FRK: variants seen among roughly 807,000 people sequenced by gnomAD.
The protein encoded by FRK is tyrosine-protein kinase FRK.
A neutral mutation model predicts 56.4 loss-of-function variants in FRK; 51 were observed. The ratio of observed to expected loss-of-function variants is 0.90; its 90% CI spans 0.72 to 1.14. The LOEUF (loss-of-function observed/expected upper bound fraction) is 1.14, where lower values mean the gene tolerates loss of function less well. Among genes scored for constraint, FRK ranks in the 50% most tolerant of loss-of-function variants. The probability of loss-of-function intolerance (pLI) is 0.00; values close to 1 mark genes in which losing one functional copy is unlikely to be tolerated. For synonymous variants in FRK, 245 were observed against 217.9 expected, an observed-to-expected ratio of 1.12 and a Z score of -1.10; for missense variants, 570 against 601.4, an observed-to-expected ratio of 0.95 and a Z score of 0.55.
chr6:115,953,951 A>T (rs529211327), intron 5 of FRK, among the ~76,000 whole-genome samples: 3 of 152,252 alleles, frequency 2.0e-5, no homozygotes, highest in Non-Finnish European at 4.4e-5. Context: ...AATAAGATAC[A>T]CAGTATAAGA....
intron 2 of FRK, among the ~76,000 whole-genome samples, chr6:115,992,804 G>A (rs1284827150): frequency 6.6e-6 from 1 of 151,736 alleles, no homozygotes; most frequent in East Asian, 1.9e-4. Flanking sequence ...AGGCTATGAA[G>A]GGCTTAAATG....
intron 4 of FRK, 42 bp downstream of exon 4, chr6:115,967,509 T>A: frequency 6.3e-7 from 1 of 1,590,556 alleles, no homozygotes. Flanking sequence ...ATTGAGCTCA[T>A]AAAAATCAAC....
chr6:115,994,187 T>A (rs1242039623), intron 2 of FRK, among the ~76,000 whole-genome samples: 1 of 152,044 alleles, frequency 6.6e-6, no homozygotes, highest in Admixed American at 6.6e-5. Context: ...AGAGATAATG[T>A]AACATGGGGT....
the FRK span, among the ~76,000 whole-genome samples, chr6:116,089,082 T>C: frequency 1.3e-5 from 2 of 152,206 alleles, no homozygotes; most frequent in African/African-American, 4.8e-5. Flanking sequence ...TTCAGTCTTC[T>C]TACATATTAT....
At chr6:116,090,516 T>A in the FRK span, among the ~76,000 whole-genome samples, 1 of 152,228 alleles carries the variant, frequency 6.6e-6, no homozygotes, top group Non-Finnish European at 1.5e-5. Context: ...AATGGCCGCA[T>A]GGTTTGAGTC....
the FRK span, among the ~76,000 whole-genome samples, chr6:116,076,064 G>T: frequency 6.6e-6 from 1 of 150,798 alleles, no homozygotes; most frequent in Non-Finnish European, 1.5e-5. Flanking sequence ...TTTTCTTAGT[G>T]CTCTTCTTGT....
At chr6:116,034,824 T>C (rs1478130500) in intron 1 of FRK, among the ~76,000 whole-genome samples, 2 of 152,142 alleles carry the variant, frequency 1.3e-5, no homozygotes, top group African/African-American at 2.4e-5. Flanking sequence ...TTATGTTTGT[T>C]CATTAAGAGT....
chr6:116,022,120 G>A lies in FRK; in HGVS notation c.345-18122C>T, dbSNP rs895653272. 2.0e-5 allele frequency among the ~76,000 whole-genome samples: 3 copies of A among 151,922 alleles called. No homozygotes were observed. The East Asian group carries it at 5.8e-4, about 29-fold the overall frequency. On this transcript the variant is annotated intron_variant, in intron 1 of 7. Transcript: ENST00000606080. ...ATATAAAGTACCCAAAATAACACAA[G>A]AAGAAACAGAAAATATTAATAACCC...
chr6:116,022,471 A>G (rs1355204750), intron 1 of FRK, among the ~76,000 whole-genome samples: 1 of 152,022 alleles, frequency 6.6e-6, no homozygotes, highest in Non-Finnish European at 1.5e-5. Flanking sequence ...TCACAACCAA[A>G]TGGGATTTAT....
At chr6:115,953,212 C>T (rs570561914) in intron 5 of FRK, among the ~76,000 whole-genome samples, 4 of 64,742 alleles carry the variant, frequency 6.2e-5, no homozygotes, top group Non-Finnish European at 8.1e-5. Context: ...TTTTTTGAGA[C>T]GGAGTCTCGC....
rs570715971 is a variant in FRK at position 116,059,903 on chromosome 6, A to G, written c.344+65T>C. On this transcript the variant is annotated intron_variant, in intron 1 of 7. Coordinates refer to ENST00000606080, the MANE Select transcript of FRK (RefSeq NM_002031.3). ...ACATTAGGGGGTTGTAGAGAAGTAGAAAGGAAAACTCATTACCCAGCCCTC... is the reference window on the plus strand; with the variant it reads ...ACATTAGGGGGTTGTAGAGAAGTAGGAAGGAAAACTCATTACCCAGCCCTC... 28 of 1,358,208 alleles carry G rather than the reference A, an allele frequency of 2.1e-5. 1 individual carries two copies. The South Asian group carries it at 3.8e-4, about 18-fold the overall frequency. 84.1% of individuals were successfully genotyped at this position (1,358,208 alleles called of 1,614,324 possible). A position where few individuals can be genotyped will look rare whatever the true frequency, so the allele number is the denominator to read the frequency against.
chr6:116,020,521 C>T (rs1408333834), intron 1 of FRK, among the ~76,000 whole-genome samples: 1 of 152,142 alleles, frequency 6.6e-6, no homozygotes, highest in East Asian at 1.9e-4. Context: ...AACTCCTGAC[C>T]TCAGGTGATC....
At chr6:116,078,506 T>C in the FRK span, among the ~76,000 whole-genome samples, 2 of 152,214 alleles carry the variant, frequency 1.3e-5, no homozygotes, top group Non-Finnish European at 2.9e-5. Context: ...TTTGTTTTAA[T>C]GGGGTCAGGG....
chr6:116,093,292 C>G, the FRK span, among the ~76,000 whole-genome samples: 2 of 152,164 alleles, frequency 1.3e-5, no homozygotes, highest in East Asian at 3.9e-4. Flanking sequence ...CCCCTTCAAG[C>G]TGTAGGGGGA....
chr6:115,991,776 T>C (rs909708196), intron 2 of FRK, among the ~76,000 whole-genome samples: 1 of 151,710 alleles, frequency 6.6e-6, no homozygotes, highest in Non-Finnish European at 1.5e-5. Flanking sequence ...AGGATGATAA[T>C]GATTTTGTAG....
At chr6:116,052,073 A>G (rs1451352217) in intron 1 of FRK, among the ~76,000 whole-genome samples, 1 of 152,158 alleles carries the variant, frequency 6.6e-6, no homozygotes, top group Non-Finnish European at 1.5e-5. Flanking sequence ...ATGGTTTAAT[A>G]TGTGTATATG....
intron 2 of FRK, among the ~76,000 whole-genome samples, chr6:115,978,507 G>A (rs1020886803): frequency 7.2e-5 from 11 of 152,096 alleles, no homozygotes; most frequent in African/African-American, 1.7e-4. Flanking sequence ...CCTTTCTAGC[G>A]CTCACAGTAA....
At chr6:115,958,975 T>C (rs1400434874) in intron 4 of FRK, among the ~76,000 whole-genome samples, 1 of 152,084 alleles carries the variant, frequency 6.6e-6, no homozygotes, top group African/African-American at 2.4e-5. Context: ...AGAACTGAAA[T>C]CACAGTAGGT....
intron 1 of FRK, among the ~76,000 whole-genome samples, chr6:116,018,769 C>T (rs1775751453): frequency 6.6e-6 from 1 of 152,116 alleles, no homozygotes; most frequent in South Asian, 2.1e-4. Context: ...GACATTTCCA[C>T]CATGCTCTTT....
Sources: allele counts gnomAD v4.1 joint callset (sites outside exome capture counted in the v4.1 genomes callset), GRCh38; gene constraint gnomAD v4.1.1; transcripts MANE v1.5; gene names NCBI Gene and HGNC (gene_info 2026-07-23, HGNC 2026-07-21).